HBS1L: variants seen among roughly 807,000 people sequenced by gnomAD.
The protein encoded by HBS1L is HBS1 like translational GTPase, also known as HBS1-like protein.
A neutral mutation model predicts 88.9 loss-of-function variants in HBS1L; 55 were observed. The observed-to-expected ratio is 0.62, with a 90% CI of 0.50 to 0.77. The LOEUF is 0.77. HBS1L is among the 30% of genes least tolerant of loss of function. HBS1L has a pLI of 0.00. For synonymous variants in HBS1L, 267 were observed against 288.5 expected, an observed-to-expected ratio of 0.93 and a Z score of 0.76; for missense variants, 741 against 829.3, an observed-to-expected ratio of 0.89 and a Z score of 1.31.
At position 135,017,995 on chromosome 6, in the gene HBS1L, A is replaced by AC. The variant is rs200605623; in HGVS notation, c.431-15154_431-15153insG. On this transcript the variant is annotated intron_variant, in intron 4 of 17. Transcript: ENST00000367837. ...TATTTAAAAACAAACAAACAAACAA[A>AC]AAAAAAAAACAGGGGTTTTCCAGGT... Among the ~76,000 whole-genome samples, 20 of 130,016 alleles carry AC rather than the reference A, an allele frequency of 1.5e-4. No homozygotes were observed. In the East Asian group the frequency reaches 3.0e-3, roughly 19 times the overall value. 85.3% of individuals were successfully genotyped at this position (130,016 alleles called of 152,430 possible).
At chr6:134,971,817 C>T (rs559784937) in intron 15 of HBS1L, among the ~76,000 whole-genome samples, 2 of 152,022 alleles carry the variant, frequency 1.3e-5, no homozygotes, top group East Asian at 1.9e-4. Context: ...CACAACCTCT[C>T]GGAGGGTTCA....
chr6:135,001,006 T>C (rs1775438956), intron 5 of HBS1L, among the ~76,000 whole-genome samples: 1 of 152,220 alleles, frequency 6.6e-6, no homozygotes, highest in Non-Finnish European at 1.5e-5. Context: ...CTATTAAGCA[T>C]TTCTGAGTAT....
intron 4 of HBS1L, chr6:135,036,813 A>G: frequency 1.9e-6 from 3 of 1,551,862 alleles, no homozygotes; most frequent in Non-Finnish European, 2.6e-6. Context: ...AAGAGAGAGA[A>G]AAAGGTGGTT....
intron 1 of HBS1L, among the ~76,000 whole-genome samples, chr6:135,050,994 G>A (rs972334044): frequency 3.3e-5 from 5 of 152,148 alleles, no homozygotes; most frequent in South Asian, 2.1e-4. Flanking sequence ...TTGGGAGGCC[G>A]AGGTAGGTGG....
chr6:134,971,259 A>G (rs953676777), intron 15 of HBS1L, among the ~76,000 whole-genome samples: 1 of 152,366 alleles, frequency 6.6e-6, no homozygotes, highest in Admixed American at 6.5e-5. Context: ...AATGAATGGT[A>G]AAGTGGTGAG....
rs978512347 is a variant in HBS1L at position 135,039,456 on chromosome 6, G to A, written c.430+117C>T. On this transcript the variant is annotated intron_variant, in intron 4 of 17. Transcript: ENST00000367837. ...GATAATCAAAAGTTAACAATAACATGCAAGATTTTAATAGCTCAAGCAAAT... is the reference window on the plus strand; with the variant it reads ...GATAATCAAAAGTTAACAATAACATACAAGATTTTAATAGCTCAAGCAAAT... 8.6e-6 allele frequency: 7 copies of A among 817,932 alleles called. No individual in the cohort carries two copies. The Admixed American group carries it at 1.8e-4, about 22-fold the overall frequency. 50.7% of individuals were successfully genotyped at this position (817,932 alleles called of 1,614,324 possible).
intron 4 of HBS1L, among the ~76,000 whole-genome samples, chr6:135,021,324 A>G (rs946313461): frequency 6.6e-6 from 1 of 152,070 alleles, no homozygotes; most frequent in Non-Finnish European, 1.5e-5. Flanking sequence ...TTGGTTCTCA[A>G]TAAACAATAT....
chr6:135,052,593 A>G (rs1777122029), intron 1 of HBS1L, among the ~76,000 whole-genome samples: 2 of 152,166 alleles, frequency 1.3e-5, no homozygotes, highest in Admixed American at 1.3e-4. Flanking sequence ...TAAAAAAAAA[A>G]AAAAAAGAAA....
chr6:135,052,399 T>C (rs930966538), intron 1 of HBS1L, among the ~76,000 whole-genome samples: 1 of 151,924 alleles, frequency 6.6e-6, no homozygotes, highest in Non-Finnish European at 1.5e-5. Context: ...CACAGCCGGA[T>C]GCTGTCTCTA....
At chr6:135,024,638 C>A (rs188888199) in intron 4 of HBS1L, among the ~76,000 whole-genome samples, 2 of 150,126 alleles carry the variant, frequency 1.3e-5, no homozygotes, top group Non-Finnish European at 1.5e-5. Context: ...CCCAAATATG[C>A]GCCTTTTTAG....
chr6:134,982,734 C>CTTT, intron 12 of HBS1L, 172 bp from the exon 13 acceptor site: 1 of 329,746 alleles, frequency 3.0e-6, no homozygotes, highest in Non-Finnish European at 5.5e-6. Flanking sequence ...CCACACTTTA[C>CTTT]TTTTTTTTTT....
At chr6:135,020,081 T>C (rs1246856646) in intron 4 of HBS1L, among the ~76,000 whole-genome samples, 3 of 151,540 alleles carry the variant, frequency 2.0e-5, no homozygotes, top group Non-Finnish European at 4.4e-5. Context: ...TATCAGACTG[T>C]TGAAATGGCT....
chr6:134,970,787 T>G (rs1306851931), intron 15 of HBS1L, among the ~76,000 whole-genome samples: 1 of 152,182 alleles, frequency 6.6e-6, no homozygotes, highest in Non-Finnish European at 1.5e-5. Context: ...AGCTAAGGTT[T>G]GGATACACCC....
At chr6:135,048,451 C>CA (rs1239609578) in intron 2 of HBS1L, among the ~76,000 whole-genome samples, 1 of 152,188 alleles carries the variant, frequency 6.6e-6, no homozygotes, top group Non-Finnish European at 1.5e-5. Context: ...ATCAGCCATG[C>CA]AGTGCCTCCC....
At chr6:134,979,492 C>G in intron 13 of HBS1L, 1 of 442,054 alleles carries the variant, frequency 2.3e-6, no homozygotes, top group South Asian at 3.7e-5. Context: ...CTTGTATTTG[C>G]CCATAAAAGG....
At chr6:135,051,616 C>T (rs932950837) in intron 1 of HBS1L, among the ~76,000 whole-genome samples, 5 of 152,168 alleles carry the variant, frequency 3.3e-5, no homozygotes, top group Admixed American at 2.6e-4. Flanking sequence ...GCTACTGTTA[C>T]CCTCCAGCAC....
At chr6:134,999,073 C>T (rs1040941888) in intron 5 of HBS1L, among the ~76,000 whole-genome samples, 1 of 152,198 alleles carries the variant, frequency 6.6e-6, no homozygotes, top group African/African-American at 2.4e-5. Flanking sequence ...TTTAAAGCCC[C>T]ACAAATTATA....
intron 8 of HBS1L, among the ~76,000 whole-genome samples, chr6:134,991,422 A>G (rs1297978868): frequency 6.6e-6 from 1 of 152,134 alleles, no homozygotes; most frequent in Non-Finnish European, 1.5e-5. Flanking sequence ...GTCCCCCCCA[A>G]ATATTCCAAT....
chr6:134,979,257 G>A lies in HBS1L; in HGVS notation c.1609C>T (p.His537Tyr). The A allele has an allele frequency of 6.2e-7, 1 of 1,611,344 alleles. No individual in the cohort carries two copies. The highest frequency in any genetic ancestry group is 1.3e-5 in the African/African-American group (1 of 74,900). The change falls in exon 14 of 18, where the codon CAT becomes TAT. Residue 537 changes from histidine (H) to tyrosine (Y), a missense_variant. Physicochemically the swap from His to Tyr is moderately conservative, Grantham distance 83 (BLOSUM62 2). Transcript: ENST00000367837. The part of the protein sequence containing the change: ...ETCTVKGITL[H>Y]DEPVDWAAAG... ...GCCGCCCAGTCGACAGGTTCATCAT[G>A]CAGAGTGATTCCTGGAAATGAGTAA...
Sources: allele counts gnomAD v4.1 joint callset (sites outside exome capture counted in the v4.1 genomes callset), GRCh38; gene constraint gnomAD v4.1.1; transcripts MANE v1.5; gene names NCBI Gene and HGNC (gene_info 2026-07-23, HGNC 2026-07-21).